SRPX: variants seen among roughly 807,000 people sequenced by gnomAD.
SRPX encodes sushi repeat-containing protein SRPX.
Under a neutral mutation model 38.1 loss-of-function variants are expected in SRPX, and 24 were observed. The ratio of observed to expected loss-of-function variants is 0.63; its 90% confidence interval spans 0.46 to 0.89. SRPX has a LOEUF of 0.89. SRPX is among the 40% of genes least tolerant of loss of function. The pLI is 0.00. For missense variants in SRPX, 416 were observed against 377.8 expected, an observed-to-expected ratio of 1.10 and a Z score of -0.84; for synonymous variants, 184 against 153.8, an observed-to-expected ratio of 1.20 and a Z score of -1.45.
At chrX:38,163,904 T>A (rs1011470742) in intron 5 of SRPX, among the ~76,000 whole-genome samples, 2 of 111,532 alleles carry the variant, frequency 1.8e-5, no homozygotes, top group Non-Finnish European at 3.8e-5. Flanking sequence ...GCGGCAGCCT[T>A]TGGCACCACC....
At chrX:38,160,496 A>G (rs906452544) in intron 6 of SRPX, among the ~76,000 whole-genome samples, 1 of 112,068 alleles carries the variant, frequency 8.9e-6, no homozygotes, top group Non-Finnish European at 1.9e-5. Flanking sequence ...ACCATCAGGC[A>G]TAAAATAATC....
At chrX:38,214,985 A>G (rs887610762) in intron 1 of SRPX, among the ~76,000 whole-genome samples, 5 of 111,981 alleles carry the variant, frequency 4.5e-5, no homozygotes, top group Non-Finnish European at 9.4e-5. Context: ...CTGGATGTAC[A>G]TTGCAAACAG....
chrX:38,160,581 G>A (rs773010982), intron 6 of SRPX, among the ~76,000 whole-genome samples: 1 of 111,542 alleles, frequency 9.0e-6, no homozygotes, highest in Admixed American at 9.5e-5. Context: ...CAAATTAGGG[G>A]GCTCCTATTC....
intron 7 of SRPX, among the ~76,000 whole-genome samples, chrX:38,158,849 A>G (rs959181050): frequency 2.7e-5 from 3 of 110,279 alleles, no homozygotes; most frequent in Non-Finnish European, 5.7e-5. Context: ...GCGTGGTGGC[A>G]GGCACCTGTA....
At chrX:38,206,214 G>A (rs769576931) in intron 1 of SRPX, among the ~76,000 whole-genome samples, 1 of 111,767 alleles carries the variant, frequency 8.9e-6, no homozygotes, top group Non-Finnish European at 1.9e-5. Context: ...GCAGAGAGAG[G>A]GACCAGCCAT....
intron 1 of SRPX, among the ~76,000 whole-genome samples, chrX:38,191,310 C>G (rs1053812360): frequency 8.9e-6 from 1 of 112,057 alleles, no homozygotes; most frequent in Non-Finnish European, 1.9e-5. Flanking sequence ...AGAAATCAAT[C>G]TCAGTGTATC....
At chrX:38,201,520 T>A (rs1293100683) in intron 1 of SRPX, among the ~76,000 whole-genome samples, 1 of 111,975 alleles carries the variant, frequency 8.9e-6, no homozygotes, top group Non-Finnish European at 1.9e-5. Context: ...TCTGAAAAAG[T>A]AAACATTAGC....
intron 1 of SRPX, among the ~76,000 whole-genome samples, chrX:38,186,228 G>A (rs35547615): frequency 0.31 from 34,458 of 109,918 alleles, 4,500 homozygotes; most frequent in Non-Finnish European, 0.41. Context: ...GCGCCCTGTG[G>A]AGTGGCCCAT....
intron 1 of SRPX, among the ~76,000 whole-genome samples, chrX:38,178,946 C>CTT (rs58878251): frequency 2.8e-4 from 23 of 81,041 alleles, no homozygotes; most frequent in African/African-American, 3.8e-4. Context: ...AGTAAAATTT[C>CTT]TTTTTTTTTT....
At chrX:38,151,170 C>T (rs1235656563) in intron 9 of SRPX, among the ~76,000 whole-genome samples, 1 of 111,973 alleles carries the variant, frequency 8.9e-6, no homozygotes, top group Non-Finnish European at 1.9e-5. Context: ...CAGTTCACTC[C>T]CAGTGACTAG....
intron 9 of SRPX, among the ~76,000 whole-genome samples, chrX:38,151,311 G>A (rs936225014): frequency 1.8e-5 from 2 of 111,976 alleles, no homozygotes; most frequent in Non-Finnish European, 3.8e-5. Context: ...GCAAAGGTGT[G>A]AATGAAGAGA....
chrX:38,193,956 T>C (rs1458913214), intron 1 of SRPX, among the ~76,000 whole-genome samples: 1 of 111,884 alleles, frequency 8.9e-6, no homozygotes, highest in Non-Finnish European at 1.9e-5. Flanking sequence ...CCTGATTAGG[T>C]ACCAGATATT....
chrX:38,220,738 GCA>G lies in SRPX; in HGVS notation c.53_54del (p.Leu18ProfsTer25). ...GGCGGGACGCGCAGCAGCAGCAGCAGCAGCAGAGGCGGCAGCAGCAGCAGCAG... is the reference window on the plus strand; with the variant it reads ...GGCGGGACGCGCAGCAGCAGCAGCAGGCAGAGGCGGCAGCAGCAGCAGCAG... Reference protein sequence around the residue: ...PALLLLLPPLLLLLLLRVPPS... With the variant: ...PALLLLLPPLXLLLLLRVPPS... On this transcript the variant is annotated frameshift_variant, in exon 1 of 10. Coordinates refer to ENST00000378533, the MANE Select transcript of SRPX (RefSeq NM_006307.5). LOFTEE classifies it high-confidence loss of function. The G allele has an allele frequency of 8.6e-7, 1 of 1,162,314 alleles. No individual in the cohort carries two copies. Among genetic ancestry groups the G allele is most frequent in the Admixed American group, 2.5e-5 (1 of 39,967 alleles).
chrX:38,175,517 C>G (rs1240782335), intron 2 of SRPX, among the ~76,000 whole-genome samples: 1 of 108,602 alleles, frequency 9.2e-6, no homozygotes, highest in Non-Finnish European at 1.9e-5. Context: ...AATACTTTCT[C>G]TTTTTTTTTT....
chrX:38,209,477 G>T (rs1292926786), intron 1 of SRPX, among the ~76,000 whole-genome samples: 1 of 111,871 alleles, frequency 8.9e-6, no homozygotes, highest in Non-Finnish European at 1.9e-5. Flanking sequence ...AAGGAAGAAG[G>T]TCTGGAATGG....
At chrX:38,182,929 T>C (rs2147103555) in intron 1 of SRPX, among the ~76,000 whole-genome samples, 1 of 112,242 alleles carries the variant, frequency 8.9e-6, no homozygotes, top group South Asian at 3.7e-4. Flanking sequence ...CCACAATTCT[T>C]GTTAGGTCAA....
chrX:38,183,707 A>G (rs1241662588), intron 1 of SRPX, among the ~76,000 whole-genome samples: 1 of 111,891 alleles, frequency 8.9e-6, no homozygotes, highest in Non-Finnish European at 1.9e-5. Context: ...ATCCCTCTAG[A>G]ATTCTGCTAA....
chrX:38,178,283 A>T lies in SRPX; in HGVS notation c.157+2T>A. On this transcript the variant is annotated splice_donor_variant, in intron 2 of 9. Transcript: ENST00000378533. LOFTEE classifies it high-confidence loss of function. ...TCATTAGCACATAAGCAAAGCATTCACCTTTATATCTAGGGTGTGAATACC... is the reference window on the plus strand; with the variant it reads ...TCATTAGCACATAAGCAAAGCATTCTCCTTTATATCTAGGGTGTGAATACC... 8.3e-7 allele frequency: 1 copy of T among 1,206,058 alleles called. No homozygotes were observed. Among genetic ancestry groups the T allele is most frequent in the Non-Finnish European group, 1.1e-6 (1 of 891,505 alleles).
At chrX:38,175,785 T>C (rs1004121681) in intron 2 of SRPX, among the ~76,000 whole-genome samples, 1 of 112,134 alleles carries the variant, frequency 8.9e-6, no homozygotes, top group Admixed American at 9.5e-5. Flanking sequence ...AAAGGTGATG[T>C]CCTAAAGGCT....
Sources: gnomAD v4.1 joint callset for allele counts (sites outside exome capture counted in the v4.1 genomes callset) on GRCh38, gnomAD v4.1.1 for gene constraint, MANE v1.5 for transcripts, NCBI Gene and HGNC (gene_info 2026-07-23, HGNC 2026-07-21) for gene names.